BNC2: variants seen among roughly 807,000 people sequenced by gnomAD.
BNC2 encodes the protein basonuclin zinc finger protein 2.
BNC2 carries 20 observed loss-of-function variants against 76.3 expected under a neutral mutation model. The ratio of observed to expected loss-of-function variants is 0.26; its 90% CI spans 0.18 to 0.38. The LOEUF (loss-of-function observed/expected upper bound fraction) is 0.38, where lower values mean the gene tolerates loss of function less well. BNC2 is among the 10% of genes least tolerant of loss of function. BNC2 has a pLI of 1.00. For missense variants in BNC2, 1,382 were observed against 1,399.8 expected, an observed-to-expected ratio of 0.99 and a Z score of 0.20; for synonymous variants, 582 against 514.8, an observed-to-expected ratio of 1.13 and a Z score of -1.77.
intron 3 of BNC2, among the ~76,000 whole-genome samples, chr9:16,683,951 T>TA (rs1168484549): frequency 3.3e-5 from 5 of 152,220 alleles, no homozygotes; most frequent in African/African-American, 1.2e-4. Context: ...TCCAGGAACT[T>TA]AGTCTTCTTT....
At chr9:16,668,118 A>G (rs1312813733) in intron 3 of BNC2, among the ~76,000 whole-genome samples, 1 of 152,204 alleles carries the variant, frequency 6.6e-6, no homozygotes, top group Non-Finnish European at 1.5e-5. Flanking sequence ...GCTCCCATGG[A>G]AAGACCAGCT....
intron 1 of BNC2, among the ~76,000 whole-genome samples, chr9:16,838,854 T>C (rs1818764148): frequency 1.3e-5 from 2 of 152,172 alleles, no homozygotes; most frequent in African/African-American, 2.4e-5. Context: ...GAGTAAAACA[T>C]GACTCCTGAC....
At chr9:16,759,971 C>T (rs1825505791) in intron 1 of BNC2, among the ~76,000 whole-genome samples, 1 of 152,210 alleles carries the variant, frequency 6.6e-6, no homozygotes, top group Admixed American at 6.5e-5. Context: ...GATCCGCCCA[C>T]CTCGGCCTCC....
chr9:16,769,147 C>CA (rs1357374570), intron 1 of BNC2, among the ~76,000 whole-genome samples: 12 of 152,176 alleles, frequency 7.9e-5, no homozygotes, highest in African/African-American at 2.4e-4. Flanking sequence ...AACTTGAAGT[C>CA]AAAGTTCCTG....
intron 1 of BNC2, among the ~76,000 whole-genome samples, chr9:16,863,142 T>C (rs1819454260): frequency 6.6e-6 from 1 of 151,864 alleles, no homozygotes; most frequent in Non-Finnish European, 1.5e-5. Context: ...CTTGAACTCC[T>C]GACCTTGTGA....
At chr9:16,745,596 C>T (rs190713694) in intron 1 of BNC2, among the ~76,000 whole-genome samples, 2 of 152,152 alleles carry the variant, frequency 1.3e-5, no homozygotes, top group African/African-American at 4.8e-5. Context: ...GTTCATGATG[C>T]CTGGCCTACA....
At chr9:16,545,254 T>G (rs1466720150) in intron 5 of BNC2, among the ~76,000 whole-genome samples, 1 of 152,234 alleles carries the variant, frequency 6.6e-6, no homozygotes, top group African/African-American at 2.4e-5. Flanking sequence ...TTAAGGCTAC[T>G]TTATAGAAAC....
intron 5 of BNC2, among the ~76,000 whole-genome samples, chr9:16,525,079 G>T (rs534399469): frequency 3.4e-5 from 5 of 147,514 alleles, no homozygotes; most frequent in Admixed American, 6.8e-5. Context: ...GTGGGGGAGG[G>T]GGGGGGAAGG....
At chr9:16,771,250 A>G (rs1825824164) in intron 1 of BNC2, among the ~76,000 whole-genome samples, 1 of 152,256 alleles carries the variant, frequency 6.6e-6, no homozygotes, top group Non-Finnish European at 1.5e-5. Context: ...GGTGGCACTG[A>G]GTCTAACAGA....
intron 5 of BNC2, among the ~76,000 whole-genome samples, chr9:16,467,410 T>C (rs1488458628): frequency 5.4e-5 from 8 of 149,058 alleles, no homozygotes; most frequent in African/African-American, 1.8e-4. Flanking sequence ...CTATTCACAA[T>C]AGCAAAGACT....
intron 5 of BNC2, among the ~76,000 whole-genome samples, chr9:16,456,902 A>C (rs1173095428): frequency 1.3e-5 from 2 of 152,208 alleles, no homozygotes; most frequent in Admixed American, 6.5e-5. Flanking sequence ...GAATTTCCAT[A>C]TGAGGGTCAA....
chr9:16,676,613 C>T (rs891601814), intron 3 of BNC2, among the ~76,000 whole-genome samples: 6 of 152,186 alleles, frequency 3.9e-5, no homozygotes, highest in African/African-American at 1.4e-4. Flanking sequence ...AGTTCTCAGG[C>T]CATTCAACCA....
intron 3 of BNC2, among the ~76,000 whole-genome samples, chr9:16,659,086 T>C (rs1284323719): frequency 6.6e-6 from 1 of 152,002 alleles, no homozygotes; most frequent in Non-Finnish European, 1.5e-5. Context: ...TCAATAAATA[T>C]TTGCTGAATG....
chr9:16,674,239 T>C lies in BNC2; in HGVS notation c.330+53558A>G, dbSNP rs192036454. ...TGGATAAAATTTTTAAACTGTCCTC[T>C]AGAATGCTGGTTTACAACAGCAAGT... On this transcript the variant is annotated intron_variant, in intron 3 of 6. Transcript: ENST00000380672. Among the ~76,000 whole-genome samples the C allele has an allele frequency of 3.0e-3, 454 of 152,342 alleles. 5 individuals carry two copies. In the South Asian group the frequency reaches 0.039, roughly 13 times the overall value.
At chr9:16,802,508 G>T (rs910557997) in intron 1 of BNC2, among the ~76,000 whole-genome samples, 1 of 152,188 alleles carries the variant, frequency 6.6e-6, no homozygotes, top group African/African-American at 2.4e-5. Context: ...GAGATCTAAA[G>T]CCCTTCCTGC....
intron 1 of BNC2, among the ~76,000 whole-genome samples, chr9:16,807,784 C>G (rs961321675): frequency 8.5e-5 from 13 of 152,294 alleles, no homozygotes; most frequent in Admixed American, 2.6e-4. Context: ...AAAGTGATTT[C>G]TGACACCTGA....
At chr9:16,692,407 G>A (rs1174261494) in intron 3 of BNC2, among the ~76,000 whole-genome samples, 1 of 152,138 alleles carries the variant, frequency 6.6e-6, no homozygotes, top group Non-Finnish European at 1.5e-5. Context: ...TTGTAAAGTT[G>A]CTCAGTTACG....
In BNC2 at chr9:16,552,570, C is replaced by T; in HGVS notation, c.629G>A (p.Gly210Asp). ...EEVLHILHGL[G>D]WTLRDYVRGY... is the part of the protein sequence containing the mutation. ...TCGGACATAGTCCCGCAGAGTCCAG[C>T]CAAGGCCGTGCAGTATGTGCAGTAC... The change falls in exon 5 of 7, where the codon GGC becomes GAC. Residue 210 changes from glycine to aspartate, a missense_variant. Physicochemically the swap from Gly to Asp is moderately conservative, Grantham distance 94. This residue lies in a region of BNC2 where 557 missense variants were observed against 540.9 expected (regional missense o/e 1.03). Coordinates refer to ENST00000380672, the MANE Select transcript of BNC2 (RefSeq NM_017637.6). The T allele has an allele frequency of 6.2e-7, 1 of 1,614,226 alleles. No individual in the cohort carries two copies. The highest frequency in any genetic ancestry group is 8.5e-7 in the Non-Finnish European group (1 of 1,180,030).
intron 5 of BNC2, among the ~76,000 whole-genome samples, chr9:16,448,071 A>C (rs1379334994): frequency 6.6e-6 from 1 of 152,080 alleles, no homozygotes; most frequent in African/African-American, 2.4e-5. Context: ...TTTCTTGTCC[A>C]CTCAGACATA....
Sources: gnomAD v4.1 joint callset for allele counts (sites outside exome capture counted in the v4.1 genomes callset) on GRCh38, gnomAD v4.1.1 for gene constraint, gnomAD v4.1.1 regional missense constraint, MANE v1.5 for transcripts, NCBI Gene and HGNC (gene_info 2026-07-23, HGNC 2026-07-21) for gene names.